RIMS1: variants seen among roughly 807,000 people sequenced by gnomAD.
The protein encoded by RIMS1 is regulating synaptic membrane exocytosis 1.
RIMS1 carries 83 observed loss-of-function variants against 214.1 expected under a neutral mutation model. The ratio of observed to expected loss-of-function variants is 0.39; its 90% confidence interval spans 0.32 to 0.47. The LOEUF is 0.47. Among genes scored for constraint, RIMS1 ranks in the 20% least tolerant of loss-of-function variants. RIMS1 has a pLI of 0.99. For synonymous variants in RIMS1, 793 were observed against 786.8 expected, an observed-to-expected ratio of 1.01 and a Z score of -0.13; for missense variants, 2,050 against 2,161.8, an observed-to-expected ratio of 0.95 and a Z score of 1.03.
Position 72,220,508 on chromosome 6 carries a change from G to C in RIMS1, c.1679-13265G>C, listed in dbSNP as rs572984063. 2.6e-5 allele frequency among the ~76,000 whole-genome samples: 4 copies of C among 152,108 alleles called. No homozygotes were observed. The South Asian group carries it at 8.3e-4, about 32-fold the overall frequency. On this transcript the variant is annotated intron_variant, in intron 6 of 33. Transcript: ENST00000521978. ...GACATTCAGTGGTAGAAAAAGTCCTGCCTACACAAAGGTACACCACTTCTC... is the reference window on the plus strand; with the variant it reads ...GACATTCAGTGGTAGAAAAAGTCCTCCCTACACAAAGGTACACCACTTCTC...
chr6:72,032,113 A>C (rs2152018574), intron 2 of RIMS1, among the ~76,000 whole-genome samples: 1 of 152,068 alleles, frequency 6.6e-6, no homozygotes. Flanking sequence ...AAAGTTGTAT[A>C]GGAGAGAGTG....
chr6:71,891,310 A>G (rs60536243), intron 1 of RIMS1, among the ~76,000 whole-genome samples: 4 of 152,230 alleles, frequency 2.6e-5, no homozygotes, highest in Non-Finnish European at 5.9e-5. Context: ...TTTTTCCTAC[A>G]AATCCTTCAG....
chr6:72,214,551 TA>T (rs2154015464), intron 6 of RIMS1, among the ~76,000 whole-genome samples: 1 of 152,286 alleles, frequency 6.6e-6, no homozygotes, highest in Admixed American at 6.5e-5. Flanking sequence ...AAAATGACTT[TA>T]TAATTTGAAG....
rs1344795955 is a variant in RIMS1, at chr6:72,391,352, CT to C, written c.4505+632del. ...AAATTTACTCTTTTCGATTCTTTTT[CT>C]TTTTTTTTTTTTTTTACCATTTCAT... is the stretch of plus-strand genomic sequence containing the variant. On this transcript the variant is annotated intron_variant, in intron 30 of 33. Transcript: ENST00000521978. Among the ~76,000 whole-genome samples, 471 of 134,344 alleles carry C rather than the reference CT, an allele frequency of 3.5e-3. 1 individual carries two copies. Among genetic ancestry groups the C allele is most frequent in the East Asian group, 6.0e-3 (28 of 4,648 alleles). 88.1% of individuals were successfully genotyped at this position (134,344 alleles called of 152,430 possible). A position where few individuals can be genotyped will look rare whatever the true frequency, so the allele number is the denominator to read the frequency against.
chr6:72,210,652 AAGTG>A (rs2053646759), intron 6 of RIMS1, among the ~76,000 whole-genome samples: 1 of 152,204 alleles, frequency 6.6e-6, no homozygotes. Context: ...AAATTTAAGG[AAGTG>A]GTAATCTAAA....
rs372489036 is a variant in RIMS1 at position 71,936,244 on chromosome 6, G to A, written c.165-32739G>A. Among the ~76,000 whole-genome samples, 451 of 148,016 alleles carry A rather than the reference G, an allele frequency of 3.0e-3. 2 individuals are homozygous for A. Among genetic ancestry groups the A allele is most frequent in the African/African-American group, 0.011 (435 of 40,458 alleles). On this transcript the variant is annotated intron_variant, in intron 1 of 33. Coordinates refer to ENST00000521978, the MANE Select transcript of RIMS1 (RefSeq NM_014989.7). The stretch of plus-strand genomic sequence containing the variant: ...CGGGAGGCTGAGGCAGGAGAATGGC[G>A]TGAACCCGGGAGGCGGAGCTTGCAG...
chr6:72,170,906 CTA>C (rs2046940560), intron 4 of RIMS1, among the ~76,000 whole-genome samples: 1 of 152,096 alleles, frequency 6.6e-6, no homozygotes, highest in Admixed American at 6.6e-5. Flanking sequence ...TGAATGTTTA[CTA>C]TGTGTCAAAC....
intron 28 of RIMS1, 93 bp downstream of exon 28, chr6:72,313,765 T>G (rs1593064192): frequency 7.9e-7 from 1 of 1,265,038 alleles, no homozygotes; most frequent in East Asian, 2.5e-5. Context: ...TAATACAGTT[T>G]AGGTCACAGT....
intron 1 of RIMS1, among the ~76,000 whole-genome samples, chr6:71,966,562 G>A (rs559265693): frequency 1.3e-5 from 2 of 152,036 alleles, no homozygotes; most frequent in South Asian, 2.1e-4. Flanking sequence ...TAACTCTGTC[G>A]CCCAGGCTGG....
intron 23 of RIMS1, among the ~76,000 whole-genome samples, chr6:72,274,873 T>G (rs1255438215): frequency 2.0e-5 from 3 of 151,998 alleles, no homozygotes; most frequent in East Asian, 1.9e-4. Flanking sequence ...GTTTAGGCTT[T>G]GATTATATTA....
intron 2 of RIMS1, among the ~76,000 whole-genome samples, chr6:72,061,453 A>T (rs1447546746): frequency 6.6e-6 from 1 of 152,214 alleles, no homozygotes; most frequent in African/African-American, 2.4e-5. Flanking sequence ...GATTATGTTT[A>T]ATAGTAAGTA....
intron 9 of RIMS1, among the ~76,000 whole-genome samples, chr6:72,238,324 T>G (rs1408030098): frequency 6.6e-6 from 1 of 152,096 alleles, no homozygotes; most frequent in Non-Finnish European, 1.5e-5. Context: ...TAAGCTACAG[T>G]AATTACCAAA....
chr6:72,188,137 G>A (rs912149206), intron 6 of RIMS1, among the ~76,000 whole-genome samples: 14 of 151,250 alleles, frequency 9.3e-5, no homozygotes, highest in African/African-American at 2.7e-4. Context: ...AGTGTGGGTC[G>A]GCCTTTCCCA....
rs1258592202 is a variant in RIMS1, at chr6:71,969,064, G to A, written c.245+1G>A. 2 of 1,613,700 alleles carry A rather than the reference G, an allele frequency of 1.2e-6. No individual in the cohort carries two copies. Among genetic ancestry groups the A allele is most frequent in the South Asian group, 2.2e-5 (2 of 91,072 alleles). On this transcript the variant is annotated splice_donor_variant, in intron 2 of 33. Transcript: ENST00000521978. LOFTEE classifies it high-confidence loss of function. The stretch of plus-strand genomic sequence containing the variant: ...AAAACCAGCCCCACCAACCTTCACC[G>A]TGAGTATGGCATTGGTTTTATTGAC...
chr6:72,364,925 C>A (rs1354444160), intron 29 of RIMS1, among the ~76,000 whole-genome samples: 1 of 152,198 alleles, frequency 6.6e-6, no homozygotes, highest in African/African-American at 2.4e-5. Context: ...CAGCTGACTA[C>A]ACAATTGGAA....
intron 26 of RIMS1, among the ~76,000 whole-genome samples, chr6:72,304,216 C>T (rs1015726617): frequency 4.0e-5 from 6 of 151,416 alleles, no homozygotes; most frequent in African/African-American, 1.5e-4. Context: ...CAGAATGTTC[C>T]TAAAATGTGA....
At chr6:72,113,566 G>C (rs2036509329) in intron 4 of RIMS1, among the ~76,000 whole-genome samples, 1 of 151,988 alleles carries the variant, frequency 6.6e-6, no homozygotes, top group South Asian at 2.1e-4. Context: ...CATTTTACAC[G>C]ATTAATTTTT....
intron 1 of RIMS1, among the ~76,000 whole-genome samples, chr6:71,948,448 A>T (rs1002214566): frequency 6.6e-6 from 1 of 152,210 alleles, no homozygotes; most frequent in Non-Finnish European, 1.5e-5. Flanking sequence ...TTGCCCTGGC[A>T]ATTTATGATG....
intron 1 of RIMS1, among the ~76,000 whole-genome samples, chr6:71,914,235 C>A (rs1008140308): frequency 6.6e-6 from 1 of 152,070 alleles, no homozygotes; most frequent in Admixed American, 6.6e-5. Flanking sequence ...AATGTTTTCT[C>A]TCTTTTTTTT....
Sources: gnomAD v4.1 joint callset for allele counts (sites outside exome capture counted in the v4.1 genomes callset) on GRCh38, gnomAD v4.1.1 for gene constraint, MANE v1.5 for transcripts, NCBI Gene and HGNC (gene_info 2026-07-23, HGNC 2026-07-21) for gene names.